Variants in HTR2C observed in about 807,000 individuals in gnomAD.
The protein encoded by HTR2C is 5-hydroxytryptamine receptor 2C, also known as 5-hydroxytryptamine (serotonin) receptor 2C, G protein-coupled.
Under a neutral mutation model 21.0 loss-of-function variants are expected in HTR2C, and 5 were observed. That is an observed-to-expected ratio of 0.24 (90% CI 0.12 to 0.50). The LOEUF (loss-of-function observed/expected upper bound fraction) is 0.50. HTR2C is among the 20% of genes least tolerant of loss of function. HTR2C has a pLI of 0.98. For missense variants in HTR2C, 271 were observed against 371.2 expected, an observed-to-expected ratio of 0.73 and a Z score of 2.22; for synonymous variants, 150 against 145.3, an observed-to-expected ratio of 1.03 and a Z score of -0.23.
chrX:114,779,775 G>A (rs2070097478), intron 4 of HTR2C, among the ~76,000 whole-genome samples: 1 of 111,919 alleles, frequency 8.9e-6, no homozygotes, highest in Non-Finnish European at 1.9e-5. Context: ...ATTTGTAGGA[G>A]GATTGGAGAC....
chrX:114,695,001 C>G (rs1479167494), intron 2 of HTR2C, among the ~76,000 whole-genome samples: 1 of 111,975 alleles, frequency 8.9e-6, no homozygotes, highest in East Asian at 2.8e-4. Context: ...ATTTGCCTCC[C>G]TTTAGGCTTT....
intron 4 of HTR2C, among the ~76,000 whole-genome samples, chrX:114,813,107 G>C (rs920354175): frequency 9.0e-6 from 1 of 111,185 alleles, no homozygotes; most frequent in Non-Finnish European, 1.9e-5. Context: ...ATCTACCCCC[G>C]CAATAAAATC....
intron 3 of HTR2C, among the ~76,000 whole-genome samples, chrX:114,730,626 T>A (rs948185840): frequency 4.5e-5 from 5 of 111,473 alleles, no homozygotes; most frequent in Admixed American, 9.6e-5. Flanking sequence ...CTGTACCTCT[T>A]CCAGACGCTT....
chrX:114,852,578 T>C (rs781824777), intron 5 of HTR2C, among the ~76,000 whole-genome samples: 2 of 111,892 alleles, frequency 1.8e-5, no homozygotes, highest in Non-Finnish European at 3.8e-5. Context: ...AGATGATAGA[T>C]ATGCACCCAA....
At chrX:114,892,425 CA>C (rs1180262777) in intron 5 of HTR2C, among the ~76,000 whole-genome samples, 4 of 110,582 alleles carry the variant, frequency 3.6e-5, no homozygotes, top group African/African-American at 1.3e-4. Context: ...TACAGTAAGG[CA>C]AAAAATTAAA....
chrX:114,747,035 A>C (rs1378940150), intron 4 of HTR2C, among the ~76,000 whole-genome samples: 2 of 111,288 alleles, frequency 1.8e-5, no homozygotes, highest in Non-Finnish European at 3.8e-5. Flanking sequence ...TTAGCCAGGC[A>C]TGGTGGTGAG....
intron 4 of HTR2C, among the ~76,000 whole-genome samples, chrX:114,806,187 C>A (rs2070427957): frequency 1.0e-5 from 1 of 99,082 alleles, no homozygotes; most frequent in Admixed American, 1.2e-4. Flanking sequence ...CCTATATATA[C>A]ACCATATATA....
intron 2 of HTR2C, among the ~76,000 whole-genome samples, chrX:114,693,727 T>G (rs1220262361): frequency 9.0e-6 from 1 of 111,701 alleles, no homozygotes; most frequent in Non-Finnish European, 1.9e-5. Context: ...ACCACTGACC[T>G]AGAGCATAAA....
At chrX:114,603,268 G>A (rs782471743) in intron 1 of HTR2C, among the ~76,000 whole-genome samples, 13 of 111,557 alleles carry the variant, frequency 1.2e-4, no homozygotes, top group African/African-American at 3.3e-4. Flanking sequence ...AAGTATATGC[G>A]TCAGGTATGA....
At position 114,858,218 on chromosome X, in the gene HTR2C, C is replaced by T. The variant is rs188697278; in HGVS notation, c.550+10015C>T. On this transcript the variant is annotated intron_variant, in intron 5 of 5. Coordinates refer to ENST00000276198, the MANE Select transcript of HTR2C (RefSeq NM_000868.4). ...CATTTTCATATAAAACTAAAATTAG[C>T]TTGTCAACCCCCAAAACAAAATATG... 3.6e-4 allele frequency among the ~76,000 whole-genome samples: 40 copies of T among 110,812 alleles called. No individual in the cohort carries two copies. In the East Asian group the frequency reaches 0.01, roughly 28 times the overall value.
chrX:114,778,723 A>T (rs1461264971), intron 4 of HTR2C, among the ~76,000 whole-genome samples: 1 of 110,989 alleles, frequency 9.0e-6, no homozygotes, highest in African/African-American at 3.3e-5. Flanking sequence ...GTAAAAAAAA[A>T]GTTTACGTCT....
intron 2 of HTR2C, among the ~76,000 whole-genome samples, chrX:114,713,028 G>A (rs781860797): frequency 9.0e-6 from 1 of 111,348 alleles, no homozygotes; most frequent in East Asian, 2.8e-4. Flanking sequence ...TTCTATCTTT[G>A]ACAAAACTTT....
chrX:114,681,669 C>T (rs1301190426), intron 2 of HTR2C, among the ~76,000 whole-genome samples: 4 of 111,679 alleles, frequency 3.6e-5, no homozygotes, highest in African/African-American at 9.7e-5. Flanking sequence ...GTGAAAAACA[C>T]TCTTTTGCAA....
chrX:114,590,573 G>T (rs782762268), intron 1 of HTR2C, among the ~76,000 whole-genome samples: 23 of 111,709 alleles, frequency 2.1e-4, no homozygotes, highest in Admixed American at 1.9e-3. Flanking sequence ...TTAAAGTAAA[G>T]GTGAAAGAAG....
At position 114,599,745 on chromosome X, in the gene HTR2C, G is replaced by A. The variant is rs73638444; in HGVS notation, c.-146-14070G>A. 9.2e-3 allele frequency among the ~76,000 whole-genome samples: 1,033 copies of A among 112,141 alleles called. 13 individuals are homozygous for A. Among genetic ancestry groups the A allele is most frequent in the African/African-American group, 0.031 (961 of 30,972 alleles). On this transcript the variant is annotated intron_variant, in intron 1 of 5. Coordinates refer to ENST00000276198, the MANE Select transcript of HTR2C (RefSeq NM_000868.4). The stretch of plus-strand genomic sequence containing the variant: ...TATTGTATTGATTTGAAATTAAATT[G>A]AAACATTCACATATGTTACAATCAC...
At chrX:114,664,612 G>A (rs956700830) in intron 2 of HTR2C, among the ~76,000 whole-genome samples, 1 of 111,998 alleles carries the variant, frequency 8.9e-6, no homozygotes, top group African/African-American at 3.2e-5. Flanking sequence ...GCTTTATCTA[G>A]TCTATCATTG....
At chrX:114,793,723 G>A (rs12557107) in intron 4 of HTR2C, among the ~76,000 whole-genome samples, 1,612 of 108,743 alleles carry the variant, frequency 0.015, 32 homozygotes, top group Admixed American at 0.095. Flanking sequence ...AACACCTTAG[G>A]CTTTTTTTTT....
At chrX:114,635,023 A>G in intron 2 of HTR2C, among the ~76,000 whole-genome samples, 1 of 111,903 alleles carries the variant, frequency 8.9e-6, no homozygotes, top group East Asian at 2.8e-4. Flanking sequence ...TACTTTTCCT[A>G]GGACAGTCAC....
At chrX:114,727,990 T>A (rs1261631843) in intron 3 of HTR2C, among the ~76,000 whole-genome samples, 6 of 111,793 alleles carry the variant, frequency 5.4e-5, no homozygotes, top group African/African-American at 1.9e-4. Context: ...ATATAGCCAT[T>A]GGCCCATATA....
Sources: allele counts gnomAD v4.1 joint callset (sites outside exome capture counted in the v4.1 genomes callset), GRCh38; gene constraint gnomAD v4.1.1; transcripts MANE v1.5; gene names NCBI Gene and HGNC (gene_info 2026-07-23, HGNC 2026-07-21).